Variants in SDK1 observed in about 807,000 individuals in gnomAD.
The protein encoded by SDK1 is protein sidekick-1.
A neutral mutation model predicts 245.5 loss-of-function variants in SDK1; 157 were observed. The ratio of observed to expected loss-of-function variants is 0.64; its 90% CI spans 0.56 to 0.73. The LOEUF (loss-of-function observed/expected upper bound fraction) is 0.73. Among genes scored for constraint, SDK1 ranks in the 30% least tolerant of loss-of-function variants. The probability of loss-of-function intolerance (pLI) is 0.00; values close to 1 mark genes in which losing one functional copy is unlikely to be tolerated. For missense variants in SDK1, 3,583 were observed against 3,002.3 expected (o/e 1.19, Z -4.52); for synonymous variants, 1,647 against 1,278.5 (o/e 1.29, Z -6.15).
intron 4 of SDK1, among the ~76,000 whole-genome samples, chr7:3,647,812 G>T (rs899962177): frequency 6.6e-6 from 1 of 152,082 alleles, no homozygotes; most frequent in Non-Finnish European, 1.5e-5. Flanking sequence ...CACAGTGCTG[G>T]AATGGCTGGA....
intron 20 of SDK1, 25 bp downstream of exon 20, chr7:4,067,961 A>C (rs117385522): frequency 0.013 from 20,208 of 1,536,738 alleles, 195 homozygotes; most frequent in Middle Eastern, 0.031. Context: ...CCTTCAAAAA[A>C]GGAAAAGATA....
Position 3,950,961 on chromosome 7 carries a change from G to A in SDK1, c.886G>A (p.Val296Met). Residue 296 changes from valine to methionine, a missense_variant, in exon 6 of 45, where the codon GTG becomes ATG. Coordinates refer to ENST00000404826, the MANE Select transcript of SDK1 (RefSeq NM_152744.4). ...GTPETMAPTI[V>M]VPPGNRSVVA... ...ACCTGAAACCATGGCCCCAACCATT[G>A]TGGTTCCCCCGGGCAACAGAAGTGT... The A allele has an allele frequency of 1.9e-6, 3 of 1,614,034 alleles. 1 individual carries two copies. In the South Asian group the frequency reaches 3.3e-5, roughly 18 times the overall value.
At chr7:3,492,760 A>T (rs1781902492) in intron 1 of SDK1, among the ~76,000 whole-genome samples, 1 of 152,108 alleles carries the variant, frequency 6.6e-6, no homozygotes, top group Admixed American at 6.5e-5. Context: ...GTCCCACCTC[A>T]TTGGCAATAA....
At chr7:3,508,129 C>G (rs945801696) in intron 1 of SDK1, among the ~76,000 whole-genome samples, 1 of 152,052 alleles carries the variant, frequency 6.6e-6, no homozygotes, top group Non-Finnish European at 1.5e-5. Flanking sequence ...CCTTGTTGTT[C>G]TACAAACTGT....
chr7:4,232,042 CTT>C (rs58243380), intron 40 of SDK1, among the ~76,000 whole-genome samples: 8,308 of 131,740 alleles, frequency 0.063, 318 homozygotes, highest in Admixed American at 0.087. Context: ...TCTGAGCCTA[CTT>C]TTTTTTTTTT....
intron 12 of SDK1, among the ~76,000 whole-genome samples, chr7:3,972,594 T>G (rs942309109): frequency 1.5e-4 from 23 of 152,152 alleles, no homozygotes; most frequent in African/African-American, 5.3e-4. Context: ...ATCAGAGTAT[T>G]TCCACTCTGG....
At chr7:4,226,415 C>T (rs1283594663) in intron 40 of SDK1, among the ~76,000 whole-genome samples, 1 of 152,360 alleles carries the variant, frequency 6.6e-6, no homozygotes, top group East Asian at 1.9e-4. Context: ...GGCCAGCGGG[C>T]CTGGGCAGCC....
At chr7:3,674,835 C>T (rs1249566815) in intron 4 of SDK1, among the ~76,000 whole-genome samples, 4 of 152,164 alleles carry the variant, frequency 2.6e-5, no homozygotes, top group East Asian at 1.9e-4. Context: ...GTGTTCAGCA[C>T]GCATTGGGTA....
At chr7:3,567,983 A>G (rs978671319) in intron 1 of SDK1, among the ~76,000 whole-genome samples, 4 of 151,930 alleles carry the variant, frequency 2.6e-5, no homozygotes, top group African/African-American at 9.7e-5. Flanking sequence ...TGCCTGGCTA[A>G]TTTTTTGATT....
intron 1 of SDK1, among the ~76,000 whole-genome samples, chr7:3,556,162 A>T (rs1779581383): frequency 6.6e-6 from 1 of 152,228 alleles, no homozygotes; most frequent in Non-Finnish European, 1.5e-5. Context: ...TTTGTAAGCA[A>T]CCTAAGTGTT....
chr7:3,807,961 C>A (rs966018182), intron 4 of SDK1, among the ~76,000 whole-genome samples: 1 of 152,124 alleles, frequency 6.6e-6, no homozygotes, highest in African/African-American at 2.4e-5. Context: ...GGGATGGATA[C>A]AATTATTATC....
chr7:3,434,689 C>G (rs910141213), intron 1 of SDK1, among the ~76,000 whole-genome samples: 2 of 152,124 alleles, frequency 1.3e-5, no homozygotes, highest in Admixed American at 6.5e-5. Flanking sequence ...ATGGTTTTAA[C>G]CAGTTCTCTC....
intron 22 of SDK1, among the ~76,000 whole-genome samples, chr7:4,091,640 C>G (rs766921556): frequency 2.6e-5 from 4 of 152,126 alleles, no homozygotes; most frequent in Non-Finnish European, 5.9e-5. Flanking sequence ...CTGCACCCTG[C>G]CAACAGCAAG....
intron 7 of SDK1, 56 bp from the exon 8 acceptor site, chr7:3,958,875 G>A (rs1583637627): frequency 2.9e-6 from 4 of 1,356,260 alleles, no homozygotes; most frequent in East Asian, 4.6e-5. Context: ...AGGTTATATG[G>A]TCTCTGACAT....
intron 17 of SDK1, among the ~76,000 whole-genome samples, chr7:4,035,494 A>G (rs527660532): frequency 2.0e-5 from 3 of 152,128 alleles, no homozygotes; most frequent in African/African-American, 7.2e-5. Context: ...GTTTTCAGCC[A>G]TTGGAATGTT....
intron 4 of SDK1, among the ~76,000 whole-genome samples, chr7:3,714,503 C>T (rs1785143928): frequency 6.6e-6 from 1 of 152,168 alleles, no homozygotes; most frequent in African/African-American, 2.4e-5. Context: ...ATCCCATTTG[C>T]TCATTTCACA....
At chr7:4,178,732 A>G (rs571176026) in intron 35 of SDK1, 146 bp downstream of exon 35, 2 of 613,738 alleles carry the variant, frequency 3.3e-6, no homozygotes, top group African/African-American at 3.7e-5. Flanking sequence ...TCTCCACGCC[A>G]CTGGCAGGGA....
intron 4 of SDK1, among the ~76,000 whole-genome samples, chr7:3,707,246 C>G (rs1203224621): frequency 2.0e-5 from 3 of 152,136 alleles, no homozygotes; most frequent in Non-Finnish European, 4.4e-5. Flanking sequence ...GTTTTGATAA[C>G]TTGTGTCACT....
chr7:3,382,237 C>G lies in SDK1; in HGVS notation c.298+80353C>G, dbSNP rs565090483. 4.7e-4 allele frequency among the ~76,000 whole-genome samples: 71 copies of G among 152,166 alleles called. 1 individual carries two copies. Among genetic ancestry groups the G allele is most frequent in the African/African-American group, 1.7e-3 (71 of 41,508 alleles). On this transcript the variant is annotated intron_variant, in intron 1 of 44. Coordinates refer to ENST00000404826, the MANE Select transcript of SDK1 (RefSeq NM_152744.4). ...CCTCCCGCCTCTGCCTCCCAAAGTG[C>G]TGGGATTACAGGCATGAACCATAGC... is the stretch of plus-strand genomic sequence containing the variant.
Sources: allele counts gnomAD v4.1 joint callset (sites outside exome capture counted in the v4.1 genomes callset), GRCh38; gene constraint gnomAD v4.1.1; transcripts MANE v1.5; gene names NCBI Gene and HGNC (gene_info 2026-07-23, HGNC 2026-07-21).